Variants in CACNA2D3 observed in about 807,000 individuals in gnomAD.
The protein encoded by CACNA2D3 is calcium voltage-gated channel auxiliary subunit alpha2delta 3, also known as voltage-dependent calcium channel subunit alpha-2/delta-3.
A neutral mutation model predicts 160.6 loss-of-function variants in CACNA2D3; 60 were observed. The ratio of observed to expected loss-of-function variants is 0.37; its 90% CI spans 0.30 to 0.46. The LOEUF (loss-of-function observed/expected upper bound fraction) is 0.46, where lower values mean the gene tolerates loss of function less well. Among genes scored for constraint, CACNA2D3 ranks in the 20% least tolerant of loss-of-function variants. CACNA2D3 has a pLI of 1.00. For synonymous variants in CACNA2D3, 558 were observed against 492.9 expected, an observed-to-expected ratio of 1.13 and a Z score of -1.75; for missense variants, 1,205 against 1,365.0, an observed-to-expected ratio of 0.88 and a Z score of 1.85.
chr3:54,573,270 A>G lies in CACNA2D3; in HGVS notation c.888+3166A>G, dbSNP rs76145999. ...GTTCCTCTAATGGATAAGAGAATGGATCAGATATGTTAGTGAATTTATATT... is the reference window on the plus strand; with the variant it reads ...GTTCCTCTAATGGATAAGAGAATGGGTCAGATATGTTAGTGAATTTATATT... On this transcript the variant is annotated intron_variant, in intron 8 of 37. Coordinates refer to ENST00000474759, the MANE Select transcript of CACNA2D3 (RefSeq NM_018398.3). Among the ~76,000 whole-genome samples, 17 of 152,344 alleles carry G rather than the reference A, an allele frequency of 1.1e-4. No individual in the cohort carries two copies. In the East Asian group the frequency reaches 3.3e-3, roughly 29 times the overall value.
intron 13 of CACNA2D3, among the ~76,000 whole-genome samples, chr3:54,789,351 C>T (rs764332780): frequency 8.5e-5 from 13 of 152,186 alleles, no homozygotes; most frequent in Non-Finnish European, 1.3e-4. Context: ...AGCATTAAGA[C>T]ATTTGCCCTT....
intron 35 of CACNA2D3, among the ~76,000 whole-genome samples, chr3:55,050,229 C>T (rs1381574311): frequency 6.6e-6 from 1 of 150,758 alleles, no homozygotes; most frequent in Non-Finnish European, 1.5e-5. Context: ...CATGATTTTG[C>T]AGCGGCTGGT....
intron 27 of CACNA2D3, among the ~76,000 whole-genome samples, chr3:54,933,263 A>G (rs1376959924): frequency 6.6e-6 from 1 of 152,232 alleles, no homozygotes; most frequent in African/African-American, 2.4e-5. Context: ...AATAATTTGT[A>G]TTAAAATTAT....
At chr3:54,408,635 A>G (rs536831338) in intron 4 of CACNA2D3, among the ~76,000 whole-genome samples, 1 of 152,248 alleles carries the variant, frequency 6.6e-6, no homozygotes, top group East Asian at 1.9e-4. Context: ...GCCATTGCCC[A>G]GTGAGAGCTC....
rs148941776 is a variant in CACNA2D3 at position 55,004,133 on chromosome 3, C to T, written c.2691-630C>T. The stretch of plus-strand genomic sequence containing the variant: ...ATTGGGATGAAAGCCATACTTTTAT[C>T]GCCAGTGTAGGAAAAAAATGTCCAC... On this transcript the variant is annotated intron_variant, in intron 31 of 37. Coordinates refer to ENST00000474759, the MANE Select transcript of CACNA2D3 (RefSeq NM_018398.3). Among the ~76,000 whole-genome samples the T allele has an allele frequency of 1.6e-3, 237 of 152,264 alleles. 1 individual carries two copies. Among genetic ancestry groups the T allele is most frequent in the African/African-American group, 5.3e-3 (220 of 41,546 alleles).
intron 3 of CACNA2D3, among the ~76,000 whole-genome samples, chr3:54,362,733 A>C (rs1698763950): frequency 6.6e-6 from 1 of 152,232 alleles, no homozygotes; most frequent in African/African-American, 2.4e-5. Context: ...TATCAGAAGC[A>C]TTGAGTGGGC....
intron 4 of CACNA2D3, among the ~76,000 whole-genome samples, chr3:54,437,536 A>G (rs1559481002): frequency 6.6e-6 from 1 of 152,184 alleles, no homozygotes; most frequent in South Asian, 2.1e-4. Flanking sequence ...TGTGAGCTCT[A>G]AGAGACTCAG....
chr3:54,871,220 CA>C (rs796701777), intron 17 of CACNA2D3, among the ~76,000 whole-genome samples: 1,133 of 68,488 alleles, frequency 0.017, 21 homozygotes, highest in African/African-American at 0.053. Context: ...CACACACACA[CA>C]CACCCCCCAT....
At chr3:54,844,747 C>T (rs1023298002) in intron 16 of CACNA2D3, among the ~76,000 whole-genome samples, 9 of 152,170 alleles carry the variant, frequency 5.9e-5, no homozygotes, top group Non-Finnish European at 1.2e-4. Flanking sequence ...TATAAGAGTA[C>T]AGGCATTAAG....
chr3:54,128,001 A>T lies in CACNA2D3; in HGVS notation c.204+4407A>T, dbSNP rs548932105. Among the ~76,000 whole-genome samples, 4 of 151,776 alleles carry T rather than the reference A, an allele frequency of 2.6e-5. No individual in the cohort carries two copies. In the East Asian group the frequency reaches 7.8e-4, roughly 30 times the overall value. On this transcript the variant is annotated intron_variant, in intron 2 of 37. Transcript: ENST00000474759. ...CTACTTTGCCTTTTCTCCCATTAGGAACTGCTGCGGCCTGTGTTGCTCAGG... is the reference window on the plus strand; with the variant it reads ...CTACTTTGCCTTTTCTCCCATTAGGTACTGCTGCGGCCTGTGTTGCTCAGG...
At chr3:54,899,950 G>A (rs1700288614) in intron 27 of CACNA2D3, 82 bp downstream of exon 27, 4 of 951,524 alleles carry the variant, frequency 4.2e-6, no homozygotes, top group Middle Eastern at 2.1e-4. Flanking sequence ...TGTGAGGCAC[G>A]CTTATCCTCC....
intron 8 of CACNA2D3, among the ~76,000 whole-genome samples, chr3:54,574,995 G>A (rs962713317): frequency 1.3e-5 from 2 of 152,292 alleles, no homozygotes; most frequent in African/African-American, 4.8e-5. Context: ...AATCGATTCC[G>A]TATTAAAAGT....
chr3:54,761,934 C>T (rs1702087653), intron 12 of CACNA2D3, among the ~76,000 whole-genome samples: 1 of 152,182 alleles, frequency 6.6e-6, no homozygotes, highest in African/African-American at 2.4e-5. Flanking sequence ...TATTTCCTTA[C>T]CCTGAGCCCT....
At chr3:54,350,987 T>TTTTTG (rs1698550148) in intron 3 of CACNA2D3, among the ~76,000 whole-genome samples, 1 of 28,782 alleles carries the variant, frequency 3.5e-5, no homozygotes, top group African/African-American at 1.6e-4. Flanking sequence ...TTTTTGTTTG[T>TTTTTG]TTTTTTTTTT....
intron 2 of CACNA2D3, among the ~76,000 whole-genome samples, chr3:54,182,031 C>G (rs1238527404): frequency 6.6e-6 from 1 of 152,122 alleles, no homozygotes; most frequent in Non-Finnish European, 1.5e-5. Flanking sequence ...TAAATACACC[C>G]TTCTGTAAAT....
chr3:54,324,037 C>A (rs1057411217), intron 3 of CACNA2D3, among the ~76,000 whole-genome samples: 1 of 152,138 alleles, frequency 6.6e-6, no homozygotes, highest in Non-Finnish European at 1.5e-5. Flanking sequence ...TATTTATGAG[C>A]CTGGCAGTAG....
chr3:54,138,547 C>T (rs1026562737), intron 2 of CACNA2D3, among the ~76,000 whole-genome samples: 1 of 152,232 alleles, frequency 6.6e-6, no homozygotes, highest in African/African-American at 2.4e-5. Flanking sequence ...TACTTGTTTT[C>T]ACATCTCCTT....
intron 4 of CACNA2D3, among the ~76,000 whole-genome samples, chr3:54,426,095 T>C (rs576324846): frequency 6.6e-6 from 1 of 152,280 alleles, no homozygotes; most frequent in Admixed American, 6.5e-5. Context: ...CTGGAGAATT[T>C]TTCAGATAGA....
intron 13 of CACNA2D3, among the ~76,000 whole-genome samples, chr3:54,796,196 G>C (rs867801800): frequency 6.6e-6 from 1 of 152,112 alleles, no homozygotes; most frequent in African/African-American, 2.4e-5. Flanking sequence ...TAAGTTTTTA[G>C]GGAAAGAGCA....
Sources: gnomAD v4.1 joint callset for allele counts (sites outside exome capture counted in the v4.1 genomes callset) on GRCh38, gnomAD v4.1.1 for gene constraint, MANE v1.5 for transcripts, NCBI Gene and HGNC (gene_info 2026-07-23, HGNC 2026-07-21) for gene names.